The following PTPRD variants were observed in gnomAD, a reference collection of about 807,000 sequenced individuals.
PTPRD encodes the protein receptor-type tyrosine-protein phosphatase delta.
A neutral mutation model predicts 214.5 loss-of-function variants in PTPRD; 34 were observed. That is an observed-to-expected ratio of 0.16 (90% CI 0.12 to 0.21). PTPRD has a LOEUF of 0.21. Ranked by LOEUF, PTPRD falls within the 10% of genes least tolerant of loss-of-function variation. PTPRD has a pLI of 1.00. For synonymous variants in PTPRD, 1,128 were observed against 845.7 expected (o/e 1.33, Z -5.79); for missense variants, 2,545 against 2,398.7 (o/e 1.06, Z -1.27).
intron 14 of PTPRD, among the ~76,000 whole-genome samples, chr9:8,585,003 T>C (rs1304688178): frequency 6.6e-6 from 1 of 152,160 alleles, no homozygotes; most frequent in East Asian, 1.9e-4. Flanking sequence ...TATGATTCAA[T>C]TATCTCCCAC....
At chr9:8,946,653 G>A (rs1393492038) in intron 11 of PTPRD, among the ~76,000 whole-genome samples, 1 of 152,118 alleles carries the variant, frequency 6.6e-6, no homozygotes, top group South Asian at 2.1e-4. Context: ...TAAGGGCCAA[G>A]GACCAGGGAG....
At chr9:9,525,809 G>C (rs555882087) in intron 8 of PTPRD, among the ~76,000 whole-genome samples, 12 of 151,244 alleles carry the variant, frequency 7.9e-5, no homozygotes, top group African/African-American at 2.4e-4. Flanking sequence ...TTATACCTTT[G>C]TAAACTTTTT....
intron 9 of PTPRD, among the ~76,000 whole-genome samples, chr9:9,236,877 A>G (rs987098566): frequency 6.6e-6 from 1 of 152,040 alleles, no homozygotes; most frequent in Non-Finnish European, 1.5e-5. Flanking sequence ...TGTGTTGTCT[A>G]AGCTTTTCTA....
intron 11 of PTPRD, among the ~76,000 whole-genome samples, chr9:8,899,606 G>C (rs559808239): frequency 6.6e-6 from 1 of 152,308 alleles, no homozygotes; most frequent in African/African-American, 2.4e-5. Context: ...ATGGCAAGGA[G>C]CAGTTGTGGG....
In PTPRD at chr9:8,947,014, A is replaced by ATT. The variant is rs143478859; in HGVS notation, c.-104+71681_-104+71682dup. 1.5e-4 allele frequency among the ~76,000 whole-genome samples: 16 copies of ATT among 106,984 alleles called. No individual in the cohort carries two copies. The East Asian group carries it at 2.6e-3, about 18-fold the overall frequency. 70.2% of individuals were successfully genotyped at this position (106,984 alleles called of 152,430 possible). A position where few individuals can be genotyped will look rare whatever the true frequency, so the allele number is the denominator to read the frequency against. ...AAGCTTTCTATCTCTGTCTCTCTGTATTTTTTTTTCTTTTCTTTTTTTTTT... is the reference window on the plus strand; with the variant it reads ...AAGCTTTCTATCTCTGTCTCTCTGTATTTTTTTTTTTCTTTTCTTTTTTTTTT... On this transcript the variant is annotated intron_variant, in intron 11 of 45. Transcript: ENST00000381196.
chr9:9,493,103 G>A (rs1453671762), intron 8 of PTPRD, among the ~76,000 whole-genome samples: 1 of 151,478 alleles, frequency 6.6e-6, no homozygotes, highest in Non-Finnish European at 1.5e-5. Context: ...GCCTCTAAGT[G>A]TTCATGTATC....
At chr9:10,286,490 C>T (rs1342589133) in intron 3 of PTPRD, among the ~76,000 whole-genome samples, 1 of 152,092 alleles carries the variant, frequency 6.6e-6, no homozygotes, top group Non-Finnish European at 1.5e-5. Context: ...AATTAAATCT[C>T]TGATGCAAAA....
intron 2 of PTPRD, among the ~76,000 whole-genome samples, chr9:10,568,989 T>A (rs1351352104): frequency 6.6e-6 from 1 of 151,928 alleles, no homozygotes; most frequent in Non-Finnish European, 1.5e-5. Context: ...ACAGGCAACC[T>A]ACAGAATGGG....
At chr9:9,278,929 T>G in intron 9 of PTPRD, among the ~76,000 whole-genome samples, 1 of 151,342 alleles carries the variant, frequency 6.6e-6, no homozygotes, top group East Asian at 2.0e-4. Flanking sequence ...TCAGATATGC[T>G]TTACTACATC....
intron 11 of PTPRD, among the ~76,000 whole-genome samples, chr9:8,786,557 G>C (rs914963203): frequency 1.3e-4 from 20 of 151,838 alleles, no homozygotes; most frequent in African/African-American, 4.6e-4. Flanking sequence ...TGGGATTACA[G>C]GCGCCCGCCA....
At chr9:10,377,398 G>C (rs1290420805) in intron 2 of PTPRD, among the ~76,000 whole-genome samples, 2 of 151,774 alleles carry the variant, frequency 1.3e-5, no homozygotes, top group African/African-American at 2.4e-5. Flanking sequence ...CCATTAACTC[G>C]TCATTTATAT....
At chr9:8,519,813 C>G (rs1484982684) in intron 20 of PTPRD, among the ~76,000 whole-genome samples, 2 of 152,046 alleles carry the variant, frequency 1.3e-5, no homozygotes, top group African/African-American at 4.8e-5. Flanking sequence ...AGGGAAGTGG[C>G]AAGAGTCAGG....
chr9:8,355,659 T>C (rs2076803035), intron 39 of PTPRD, among the ~76,000 whole-genome samples: 1 of 152,140 alleles, frequency 6.6e-6, no homozygotes, highest in Non-Finnish European at 1.5e-5. Flanking sequence ...AAATGGGAGA[T>C]TCCTCTTCTA....
chr9:9,703,262 G>T (rs1246777061), intron 7 of PTPRD, among the ~76,000 whole-genome samples: 1 of 152,068 alleles, frequency 6.6e-6, no homozygotes. Flanking sequence ...GGCCTTCCTA[G>T]CCATGCTGAA....
chr9:8,530,488 A>G (rs2075403044), intron 14 of PTPRD, among the ~76,000 whole-genome samples: 1 of 152,048 alleles, frequency 6.6e-6, no homozygotes. Context: ...CAGAGCTACC[A>G]TAGCAGCGGC....
At chr9:9,296,124 G>A (rs936409197) in intron 9 of PTPRD, among the ~76,000 whole-genome samples, 6 of 151,730 alleles carry the variant, frequency 4.0e-5, no homozygotes, top group Admixed American at 1.3e-4. Flanking sequence ...AGTTAATGGG[G>A]TTTAGAGTTA....
At chr9:9,161,940 C>T (rs1330692352) in intron 10 of PTPRD, among the ~76,000 whole-genome samples, 2 of 151,802 alleles carry the variant, frequency 1.3e-5, no homozygotes, top group Non-Finnish European at 2.9e-5. Context: ...ATATATAGTA[C>T]AGCCTTCAAA....
intron 2 of PTPRD, among the ~76,000 whole-genome samples, chr9:10,543,513 C>T (rs1307277929): frequency 6.7e-6 from 1 of 149,860 alleles, no homozygotes; most frequent in African/African-American, 2.5e-5. Context: ...CACAAACACA[C>T]ACACACGTAC....
intron 12 of PTPRD, among the ~76,000 whole-genome samples, chr9:8,720,488 G>T (rs1394665737): frequency 6.6e-6 from 1 of 152,156 alleles, no homozygotes; most frequent in South Asian, 2.1e-4. Context: ...TTTTGGCCAT[G>T]ATTTCCAATT....
Sources: gnomAD v4.1 joint callset for allele counts (sites outside exome capture counted in the v4.1 genomes callset) on GRCh38, gnomAD v4.1.1 for gene constraint, MANE v1.5 for transcripts, NCBI Gene and HGNC (gene_info 2026-07-23, HGNC 2026-07-21) for gene names.